The following ANP32A variants were observed in gnomAD, a reference collection of about 807,000 sequenced individuals.
ANP32A encodes the protein acidic nuclear phosphoprotein 32 family member A, also known as acidic leucine-rich nuclear phosphoprotein 32 family member A.
ANP32A carries 1 observed loss-of-function variant against 33.9 expected under a neutral mutation model. That is an observed-to-expected ratio of 0.03 (90% CI 0.01 to 0.14). ANP32A has a LOEUF of 0.14. Ranked by LOEUF, ANP32A falls within the 10% of genes least tolerant of loss-of-function variation. The pLI, the probability that ANP32A is intolerant of heterozygous loss-of-function variation, is 1.00. For missense variants in ANP32A, 155 were observed against 306.0 expected, an observed-to-expected ratio of 0.51 and a Z score of 3.68; for synonymous variants, 115 against 120.5, an observed-to-expected ratio of 0.95 and a Z score of 0.30.
chr15:68,820,076 A>T (rs1427562201), intron 1 of ANP32A, among the ~76,000 whole-genome samples: 1 of 152,006 alleles, frequency 6.6e-6, no homozygotes, highest in Admixed American at 6.5e-5. Flanking sequence ...AACTCCAGCC[A>T]TTCCCAACTC....
chr15:68,799,981 T>A (rs144050100), intron 1 of ANP32A, among the ~76,000 whole-genome samples: 9 of 152,180 alleles, frequency 5.9e-5, no homozygotes, highest in Admixed American at 1.3e-4. Context: ...GTGTACTTTG[T>A]AAGAAGGTCT....
Position 68,784,459 on chromosome 15 carries a change from G to A in ANP32A, c.464C>T (p.Ala155Val), listed in dbSNP as rs775900569. Residue 155 changes from alanine to valine, a missense_variant, in exon 4 of 7, where the codon GCC becomes GTC. This residue lies in a region of ANP32A where 85 missense variants were observed against 183.8 expected (regional missense o/e 0.46). Transcript: ENST00000465139. ...LDGYDRDDKE[A>V]PDSDAEGYVE... Reference sequence around the variant, plus strand: ...GTAGCCCTCAGCATCCGAGTCAGGGGCCTCCTTGTCGTCCCGGTCATAGCC... The same window carrying A: ...GTAGCCCTCAGCATCCGAGTCAGGGACCTCCTTGTCGTCCCGGTCATAGCC... 6.2e-7 allele frequency: 1 copy of A among 1,614,044 alleles called. No individual in the cohort carries two copies. The highest frequency in any genetic ancestry group is 8.5e-7 in the Non-Finnish European group (1 of 1,180,028).
intron 1 of ANP32A, chr15:68,801,865 A>T (rs1894141541): frequency 6.5e-6 from 1 of 154,688 alleles, no homozygotes. Context: ...AGGAATGGGG[A>T]CAGGAACAAG....
intron 1 of ANP32A, among the ~76,000 whole-genome samples, chr15:68,798,708 T>C (rs1485579387): frequency 6.6e-6 from 1 of 152,194 alleles, no homozygotes; most frequent in African/African-American, 2.4e-5. Flanking sequence ...AGCCCAGACC[T>C]GAGCTCAGCC....
At position 68,783,134 on chromosome 15, in the gene ANP32A, C is replaced by T. The variant is rs1001503823; in HGVS notation, c.527-81G>A. ...CCCACACAGCACAGGCCCCTTGTAG[C>T]GTCTTCAGTGTGGGGCTCATGACCC... On this transcript the variant is annotated intron_variant, in intron 4 of 6. Coordinates refer to ENST00000465139, the MANE Select transcript of ANP32A (RefSeq NM_006305.4). 1.6e-5 allele frequency: 24 copies of T among 1,534,214 alleles called. No homozygotes were observed. In the African/African-American group the frequency reaches 1.8e-4, roughly 11 times the overall value.
chr15:68,820,548 G>A (rs1406139506), intron 1 of ANP32A, 150 bp downstream of exon 1: 4 of 398,124 alleles, frequency 1.0e-5, no homozygotes, highest in African/African-American at 7.4e-5. Context: ...CAACCCCCCA[G>A]CCTTGCCAAT....
intron 1 of ANP32A, among the ~76,000 whole-genome samples, chr15:68,806,286 T>C (rs1430774525): frequency 2.0e-5 from 3 of 152,156 alleles, no homozygotes; most frequent in African/African-American, 7.2e-5. Flanking sequence ...TGCTGGAGTC[T>C]ATGGCCACTG....
chr15:68,797,565 T>C (rs992984448), intron 1 of ANP32A, among the ~76,000 whole-genome samples: 3 of 152,010 alleles, frequency 2.0e-5, no homozygotes, highest in African/African-American at 7.3e-5. Context: ...AAATCCAGAG[T>C]ACGATTCCCA....
At chr15:68,796,309 G>C (rs1400078791) in intron 1 of ANP32A, among the ~76,000 whole-genome samples, 1 of 152,110 alleles carries the variant, frequency 6.6e-6, no homozygotes, top group Non-Finnish European at 1.5e-5. Context: ...TTCAACTCCT[G>C]ACCTCATGTG....
intron 2 of ANP32A, 56 bp from the exon 3 acceptor site, chr15:68,787,591 G>A (rs546635340): frequency 3.8e-5 from 62 of 1,611,960 alleles, no homozygotes; most frequent in Non-Finnish European, 4.3e-5. Flanking sequence ...AAGGCTACCG[G>A]CTCAGAGCTG....
intron 1 of ANP32A, among the ~76,000 whole-genome samples, chr15:68,804,430 G>T (rs965903881): frequency 1.3e-5 from 2 of 152,148 alleles, no homozygotes; most frequent in Non-Finnish European, 2.9e-5. Context: ...ATAGATTAAA[G>T]AATAAATATG....
chr15:68,799,832 G>C (rs1052677898), intron 1 of ANP32A, among the ~76,000 whole-genome samples: 2 of 152,218 alleles, frequency 1.3e-5, no homozygotes, highest in African/African-American at 4.8e-5. Context: ...GTGATGTTTA[G>C]GCTTGAGGGT....
chr15:68,784,771 C>T (rs543551912), intron 3 of ANP32A, among the ~76,000 whole-genome samples, 176 bp from the exon 4 acceptor site: 5 of 152,294 alleles, frequency 3.3e-5, no homozygotes, highest in East Asian at 3.9e-4. Context: ...GACATATCAC[C>T]TGCAGTTTGT....
At chr15:68,797,064 C>A (rs1254750320) in intron 1 of ANP32A, among the ~76,000 whole-genome samples, 1 of 152,150 alleles carries the variant, frequency 6.6e-6, no homozygotes, top group South Asian at 2.1e-4. Context: ...ATCATCTAAT[C>A]TCTTAAAACA....
At chr15:68,785,799 A>T (rs890900193) in intron 3 of ANP32A, among the ~76,000 whole-genome samples, 4 of 152,182 alleles carry the variant, frequency 2.6e-5, no homozygotes, top group African/African-American at 9.7e-5. Flanking sequence ...CTGAATCACA[A>T]TGTTTTACAA....
intron 1 of ANP32A, among the ~76,000 whole-genome samples, chr15:68,795,573 C>A (rs913307914): frequency 2.6e-5 from 4 of 152,300 alleles, no homozygotes; most frequent in African/African-American, 9.6e-5. Context: ...TCTCCTCCCG[C>A]GGGTGTGAGA....
intron 1 of ANP32A, among the ~76,000 whole-genome samples, chr15:68,816,464 T>A (rs1421527125): frequency 6.6e-6 from 1 of 152,158 alleles, no homozygotes; most frequent in Non-Finnish European, 1.5e-5. Context: ...GTAATCCACT[T>A]AAGAAATGTG....
chr15:68,814,632 C>T (rs1459433062), intron 1 of ANP32A, among the ~76,000 whole-genome samples: 1 of 152,086 alleles, frequency 6.6e-6, no homozygotes, highest in Admixed American at 6.5e-5. Context: ...CTCCCCTTGA[C>T]CTGGCCAATT....
intron 1 of ANP32A, chr15:68,817,280 C>T (rs1894395545): frequency 6.6e-6 from 1 of 152,260 alleles, no homozygotes; most frequent in Admixed American, 6.5e-5. Flanking sequence ...TGCCTTCTCC[C>T]AGGCAAAAAT....
Sources: gnomAD v4.1 joint callset for allele counts (sites outside exome capture counted in the v4.1 genomes callset) on GRCh38, gnomAD v4.1.1 for gene constraint, gnomAD v4.1.1 regional missense constraint, MANE v1.5 for transcripts, NCBI Gene and HGNC (gene_info 2026-07-23, HGNC 2026-07-21) for gene names.